Variants in GNG7 observed in about 807,000 individuals in gnomAD.
The protein encoded by GNG7 is G protein subunit gamma 7.
Under a neutral mutation model 4.0 loss-of-function variants are expected in GNG7, and 1 was observed. The observed-to-expected ratio is 0.25, with a 90% CI of 0.09 to 1.18. The LOEUF (loss-of-function observed/expected upper bound fraction) is 1.18, where lower values mean the gene tolerates loss of function less well. Among genes scored for constraint, GNG7 ranks in the 50% most tolerant of loss-of-function variants. The probability of loss-of-function intolerance (pLI) is 0.50; values close to 1 mark genes in which losing one functional copy is unlikely to be tolerated. For missense variants in GNG7, 86 were observed against 91.9 expected (o/e 0.94, Z 0.26); for synonymous variants, 34 against 36.9 (o/e 0.92, Z 0.29).
intron 2 of GNG7, among the ~76,000 whole-genome samples, chr19:2,573,102 T>C (rs1479954115): frequency 6.7e-6 from 1 of 149,382 alleles, no homozygotes; most frequent in Non-Finnish European, 1.5e-5. Flanking sequence ...CATGGCTCAC[T>C]GCAACCTCCG....
At chr19:2,593,470 G>A (rs972414031) in intron 2 of GNG7, among the ~76,000 whole-genome samples, 8 of 152,124 alleles carry the variant, frequency 5.3e-5, no homozygotes, top group African/African-American at 1.4e-4. Context: ...AGGACTGGGC[G>A]TGGTGGCTCA....
chr19:2,533,705 C>G (rs2144739833), intron 3 of GNG7, among the ~76,000 whole-genome samples: 1 of 152,212 alleles, frequency 6.6e-6, no homozygotes, highest in East Asian at 1.9e-4. Flanking sequence ...TAAACAAAAC[C>G]AGACTTTCTC....
intron 3 of GNG7, among the ~76,000 whole-genome samples, chr19:2,533,811 T>C (rs114956775): frequency 0.022 from 3,319 of 152,078 alleles, 101 homozygotes; most frequent in African/African-American, 0.076. Context: ...AACAAAAATG[T>C]TGTAGAGAGG....
chr19:2,612,706 A>ATTTTTTTTTTT (rs1568262802), intron 2 of GNG7, among the ~76,000 whole-genome samples: 27 of 118,426 alleles, frequency 2.3e-4, no homozygotes, highest in African/African-American at 1.2e-3. Flanking sequence ...TTTTTTGAGA[A>ATTTTTTTTTTT]ATTTTTTTTT....
chr19:2,594,756 T>C (rs892149020), intron 2 of GNG7, among the ~76,000 whole-genome samples: 1 of 152,164 alleles, frequency 6.6e-6, no homozygotes, highest in East Asian at 1.9e-4. Flanking sequence ...ACTTGCTCCA[T>C]GATTATCAAC....
At position 2,614,737 on chromosome 19, in the gene GNG7, T is replaced by C. The variant is rs1167863563; in HGVS notation, c.-78+31487A>G. On this transcript the variant is annotated intron_variant, in intron 2 of 4. Transcript: ENST00000382159. The surrounding 1 kb of genome is among the most constrained non-coding windows in gnomAD (Gnocchi z 6.0). ...ACCTTTTAGCCATTGTGAATCGTAC[T>C]GTATGAACATTTGTGGCAAGGTTCT... 6.6e-6 allele frequency among the ~76,000 whole-genome samples: 1 copy of C among 152,234 alleles called. No individual in the cohort carries two copies. The highest frequency in any genetic ancestry group is 2.4e-5 in the African/African-American group (1 of 41,468).
At chr19:2,516,762 G>A (rs530358724) in intron 4 of GNG7, among the ~76,000 whole-genome samples, 11 of 152,270 alleles carry the variant, frequency 7.2e-5, no homozygotes, top group South Asian at 6.2e-4. Context: ...AGATAAGCCC[G>A]TCTCCATGTT....
intron 1 of GNG7, among the ~76,000 whole-genome samples, chr19:2,678,262 A>G (rs1039608547): frequency 2.0e-5 from 3 of 152,170 alleles, no homozygotes; most frequent in African/African-American, 7.2e-5. Flanking sequence ...TGAGGAAGTA[A>G]AACCTGGGGG....
intron 4 of GNG7, among the ~76,000 whole-genome samples, chr19:2,518,120 T>C (rs1251514166): frequency 6.6e-6 from 1 of 152,168 alleles, no homozygotes; most frequent in Non-Finnish European, 1.5e-5. Flanking sequence ...CCATGCCCAC[T>C]GCGCTGGGCT....
At chr19:2,589,371 C>CTTTTT (rs33940288) in intron 2 of GNG7, among the ~76,000 whole-genome samples, 4,428 of 100,320 alleles carry the variant, frequency 0.044, 371 homozygotes, top group East Asian at 0.32. Flanking sequence ...TACAGGTGCA[C>CTTTTT]TTTTTTTTTT....
At chr19:2,527,302 T>C (rs1056809714) in intron 3 of GNG7, among the ~76,000 whole-genome samples, 12 of 152,154 alleles carry the variant, frequency 7.9e-5, no homozygotes, top group Non-Finnish European at 7.4e-5. Flanking sequence ...CCCAATGCTG[T>C]GTCTCACTCA....
At chr19:2,597,372 G>A (rs568600906) in intron 2 of GNG7, among the ~76,000 whole-genome samples, 58 of 152,238 alleles carry the variant, frequency 3.8e-4, no homozygotes, top group African/African-American at 1.1e-3. Context: ...CGAGGCAGGC[G>A]GATCACCTAA....
intron 2 of GNG7, among the ~76,000 whole-genome samples, chr19:2,603,814 C>T (rs562919286): frequency 6.6e-6 from 1 of 151,916 alleles, no homozygotes; most frequent in South Asian, 2.1e-4. Context: ...AGGAACTAAG[C>T]GTTTAAGGGA....
intron 3 of GNG7, among the ~76,000 whole-genome samples, chr19:2,540,054 C>G (rs970546891): frequency 5.4e-5 from 7 of 129,138 alleles, no homozygotes. Context: ...CCCTCCCTCC[C>G]TTCCTTCCCT....
At chr19:2,681,619 G>A (rs1480492060) in intron 1 of GNG7, among the ~76,000 whole-genome samples, 1 of 152,086 alleles carries the variant, frequency 6.6e-6, no homozygotes, top group Non-Finnish European at 1.5e-5. Flanking sequence ...ACTTCCCTTA[G>A]GTGTACGTCT....
At chr19:2,635,185 A>T (rs1339819650) in intron 2 of GNG7, among the ~76,000 whole-genome samples, 1 of 152,170 alleles carries the variant, frequency 6.6e-6, no homozygotes, top group Non-Finnish European at 1.5e-5. Flanking sequence ...ACATTGCCCC[A>T]GATGAGTGAG....
At chr19:2,535,380 G>T (rs1301365751) in intron 3 of GNG7, among the ~76,000 whole-genome samples, 1 of 151,534 alleles carries the variant, frequency 6.6e-6, no homozygotes, top group African/African-American at 2.4e-5. Context: ...CACACCTGTA[G>T]TCCCAGCTAC....
At chr19:2,577,584 C>G (rs531285338) in intron 2 of GNG7, among the ~76,000 whole-genome samples, 1 of 151,776 alleles carries the variant, frequency 6.6e-6, no homozygotes, top group Admixed American at 6.6e-5. Context: ...GCCTGTAATC[C>G]TAGCACTTTG....
intron 1 of GNG7, among the ~76,000 whole-genome samples, chr19:2,650,215 G>A (rs1364224398): frequency 2.3e-5 from 3 of 132,650 alleles, no homozygotes; most frequent in Non-Finnish European, 4.6e-5. Flanking sequence ...ACAGAGTCTC[G>A]TTCTATCCCC....
Sources: allele counts gnomAD v4.1 joint callset (sites outside exome capture counted in the v4.1 genomes callset), GRCh38; gene constraint gnomAD v4.1.1; non-coding constraint Gnocchi (gnomAD v3.1); transcripts MANE v1.5; gene names NCBI Gene and HGNC (gene_info 2026-07-23, HGNC 2026-07-21).